FNIP1: variants seen among roughly 807,000 people sequenced by gnomAD.
FNIP1 encodes the protein folliculin interacting protein 1.
A neutral mutation model predicts 124.5 loss-of-function variants in FNIP1; 40 were observed. That is an observed-to-expected ratio of 0.32 (90% CI 0.25 to 0.42). The LOEUF (loss-of-function observed/expected upper bound fraction) is 0.42. Ranked by LOEUF, FNIP1 falls within the 10% of genes least tolerant of loss-of-function variation. The pLI, the probability that FNIP1 is intolerant of heterozygous loss-of-function variation, is 1.00. For synonymous variants in FNIP1, 472 were observed against 470.6 expected (o/e 1.00, Z -0.04); for missense variants, 1,176 against 1,403.7 (o/e 0.84, Z 2.59).
At chr5:131,677,312 A>G (rs1767940601) in intron 13 of FNIP1, among the ~76,000 whole-genome samples, 1 of 152,226 alleles carries the variant, frequency 6.6e-6, no homozygotes, top group African/African-American at 2.4e-5. Context: ...GCAAGTGAAC[A>G]AAAGTGGATC....
At chr5:131,721,408 A>G in intron 3 of FNIP1, among the ~76,000 whole-genome samples, 1 of 152,238 alleles carries the variant, frequency 6.6e-6, no homozygotes, top group Admixed American at 6.5e-5. Context: ...AGCTCTAGAA[A>G]TCTATAGTGT....
In FNIP1 at chr5:131,672,419, G is replaced by A. The variant is rs201334983; in HGVS notation, c.2025C>T (p.Asp675=). 90 of 1,613,816 alleles carry A rather than the reference G, an allele frequency of 5.6e-5. No homozygotes were observed. Among genetic ancestry groups the A allele is most frequent in the East Asian group, 5.6e-4 (25 of 44,886 alleles). The change falls in exon 14 of 18, where the codon GAC becomes GAT. Residue 675 remains aspartate, a synonymous_variant. Coordinates refer to ENST00000510461, the MANE Select transcript of FNIP1 (RefSeq NM_133372.3). ...QYRDKLRTCF[D]AKLETVVCTG... is the part of the protein sequence containing the mutation. Reference sequence around the variant, plus strand: ...TGCAAACAACTGTCTCTAACTTGGCGTCAAAGCAAGTTCTTAATTTATCTC... The same window carrying A: ...TGCAAACAACTGTCTCTAACTTGGCATCAAAGCAAGTTCTTAATTTATCTC...
intron 15 of FNIP1, among the ~76,000 whole-genome samples, chr5:131,653,713 A>G (rs536095777): frequency 1.1e-4 from 16 of 152,306 alleles, no homozygotes; most frequent in Admixed American, 2.0e-4. Flanking sequence ...TTTACTCTGT[A>G]TATCTTTATA....
At chr5:131,754,360 T>C (rs1408148077) in intron 1 of FNIP1, among the ~76,000 whole-genome samples, 1 of 152,166 alleles carries the variant, frequency 6.6e-6, no homozygotes, top group South Asian at 2.1e-4. Context: ...CATAAGCAGG[T>C]CAGGTAAGAG....
chr5:131,747,055 T>C (rs1446121935), intron 1 of FNIP1, among the ~76,000 whole-genome samples: 1 of 152,250 alleles, frequency 6.6e-6, no homozygotes, highest in Non-Finnish European at 1.5e-5. Flanking sequence ...TTCATGTTTG[T>C]TGGCTGGTTG....
chr5:131,700,444 G>A (rs7729680), intron 10 of FNIP1, among the ~76,000 whole-genome samples: 15,479 of 152,062 alleles, frequency 0.1, 1,852 homozygotes, highest in African/African-American at 0.29. Context: ...ATTACAAAGT[G>A]ATTAAATATT....
chr5:131,661,220 T>TGTGTGTGTGTGTGTGTGTGTGTGTGTG (rs1554092139), intron 15 of FNIP1, among the ~76,000 whole-genome samples: 55 of 147,740 alleles, frequency 3.7e-4, no homozygotes, highest in African/African-American at 1.3e-3. Flanking sequence ...TGTCTTTGTT[T>TGTGTGTGTGTGTGTGTGTGTGTGTGTG]TGTGTGTGTG....
At chr5:131,673,920 C>T (rs986534648) in intron 13 of FNIP1, among the ~76,000 whole-genome samples, 1 of 151,978 alleles carries the variant, frequency 6.6e-6, no homozygotes, top group Non-Finnish European at 1.5e-5. Flanking sequence ...CCTGTAGTCC[C>T]AGCTACTTGG....
intron 16 of FNIP1, 42 bp from the exon 17 acceptor site, chr5:131,647,247 T>C (rs1324339486): frequency 6.8e-7 from 1 of 1,470,766 alleles, no homozygotes. Flanking sequence ...AGAAAACAGT[T>C]TGCAACTCTC....
intron 3 of FNIP1, among the ~76,000 whole-genome samples, chr5:131,724,973 C>T (rs1769810566): frequency 6.6e-6 from 1 of 152,138 alleles, no homozygotes; most frequent in Non-Finnish European, 1.5e-5. Flanking sequence ...TTCCCCATTG[C>T]TTGTTTTTGT....
chr5:131,673,026 T>C (rs1301466070), intron 13 of FNIP1, 102 bp from the exon 14 acceptor site: 16 of 848,650 alleles, frequency 1.9e-5, no homozygotes, highest in Non-Finnish European at 2.4e-5. Flanking sequence ...GTATGAGTAA[T>C]AGTTTAGGTT....
chr5:131,645,415 C>T (rs535016368), intron 17 of FNIP1, among the ~76,000 whole-genome samples: 1 of 151,712 alleles, frequency 6.6e-6, no homozygotes, highest in East Asian at 1.9e-4. Flanking sequence ...CTTCAAAATA[C>T]ATCCTACCAC....
chr5:131,718,712 G>A (rs1412146199), intron 5 of FNIP1, among the ~76,000 whole-genome samples: 3 of 152,278 alleles, frequency 2.0e-5, no homozygotes, highest in Admixed American at 6.5e-5. Context: ...GCGTGGTACC[G>A]CAAAACTGAA....
intron 1 of FNIP1, among the ~76,000 whole-genome samples, chr5:131,771,160 C>G (rs1771621368): frequency 6.6e-6 from 1 of 152,038 alleles, no homozygotes; most frequent in Non-Finnish European, 1.5e-5. Context: ...CTAGTAAACT[C>G]AGAATTAACT....
chr5:131,784,923 T>C (rs1444246788), intron 1 of FNIP1, among the ~76,000 whole-genome samples: 1 of 146,788 alleles, frequency 6.8e-6, no homozygotes, highest in African/African-American at 2.5e-5. Context: ...CAGGACTGGG[T>C]TTGAGGCACG....
chr5:131,687,104 C>CTT (rs796325487), intron 11 of FNIP1, among the ~76,000 whole-genome samples: 2 of 133,894 alleles, frequency 1.5e-5, no homozygotes, highest in African/African-American at 2.7e-5. Context: ...GTTTGTTTGG[C>CTT]TTTTTTTTTT....
intron 3 of FNIP1, among the ~76,000 whole-genome samples, chr5:131,723,034 T>C (rs927068952): frequency 1.3e-5 from 2 of 152,214 alleles, no homozygotes; most frequent in Non-Finnish European, 2.9e-5. Flanking sequence ...CCTAGGTTAC[T>C]AATATACAAA....
chr5:131,693,479 GA>G (rs1768585947), intron 11 of FNIP1, among the ~76,000 whole-genome samples: 1 of 150,802 alleles, frequency 6.6e-6, no homozygotes. Flanking sequence ...ATTCAATTGA[GA>G]AAAGAAAGTA....
chr5:131,777,715 C>G (rs1475520482), intron 1 of FNIP1, among the ~76,000 whole-genome samples: 1 of 152,086 alleles, frequency 6.6e-6, no homozygotes, highest in Non-Finnish European at 1.5e-5. Context: ...AGAAGAAATG[C>G]AAACTATCAA....
Sources: gnomAD v4.1 joint callset for allele counts (sites outside exome capture counted in the v4.1 genomes callset) on GRCh38, gnomAD v4.1.1 for gene constraint, MANE v1.5 for transcripts, NCBI Gene and HGNC (gene_info 2026-07-23, HGNC 2026-07-21) for gene names.